Variants in EPS8 observed in about 807,000 individuals in gnomAD.
EPS8 encodes EGFR pathway substrate 8, signaling adaptor, also known as epidermal growth factor receptor kinase substrate 8.
A neutral mutation model predicts 103.8 loss-of-function variants in EPS8; 42 were observed. The ratio of observed to expected loss-of-function variants is 0.40; its 90% CI spans 0.32 to 0.52. The LOEUF is 0.52. Ranked by LOEUF, EPS8 falls within the 20% of genes least tolerant of loss-of-function variation. The pLI, the probability that EPS8 is intolerant of heterozygous loss-of-function variation, is 0.40. For synonymous variants in EPS8, 344 were observed against 344.6 expected, an observed-to-expected ratio of 1.00 and a Z score of 0.02; for missense variants, 969 against 1,005.1, an observed-to-expected ratio of 0.96 and a Z score of 0.49.
At chr12:15,692,319 G>GTTTTT (rs56016545) in intron 1 of EPS8, among the ~76,000 whole-genome samples, 9 of 120,288 alleles carry the variant, frequency 7.5e-5, no homozygotes, top group African/African-American at 1.6e-4. Flanking sequence ...AAGAGGTTTG[G>GTTTTT]TTTTTTTTTT....
chr12:15,637,824 TG>T (rs1320175246), intron 17 of EPS8, among the ~76,000 whole-genome samples: 2 of 152,200 alleles, frequency 1.3e-5, no homozygotes, highest in Non-Finnish European at 2.9e-5. Context: ...ACAGCAAGCA[TG>T]CAGGAAGGAG....
At chr12:15,635,099 A>G (rs1184838306) in intron 17 of EPS8, among the ~76,000 whole-genome samples, 1 of 152,206 alleles carries the variant, frequency 6.6e-6, no homozygotes, top group Non-Finnish European at 1.5e-5. Context: ...AATGCATTAC[A>G]TGTAAGAGTT....
At chr12:15,664,596 G>T (rs117792704) in intron 8 of EPS8, among the ~76,000 whole-genome samples, 2 of 152,164 alleles carry the variant, frequency 1.3e-5, no homozygotes, top group African/African-American at 4.8e-5. Context: ...AGACATATCA[G>T]GTCTTGCTTC....
In EPS8 at chr12:15,761,714, G is replaced by A. The variant is rs1947043748; in HGVS notation, c.-22+27447C>T. On this transcript the variant is annotated intron_variant, in intron 1 of 20. Coordinates refer to ENST00000281172, the MANE Select transcript of EPS8 (RefSeq NM_004447.6). This position sits in a 1 kb window ranked among gnomAD's most constrained non-coding sequence, Gnocchi z 4.5. ...ACAGACTCTTCAATAAATGGCGCTG[G>A]GAAAACTGGATATCCATATCCAGAA... Among the ~76,000 whole-genome samples the A allele has an allele frequency of 6.6e-6, 1 of 152,042 alleles. No individual in the cohort carries two copies. Among genetic ancestry groups the A allele is most frequent in the African/African-American group, 2.4e-5 (1 of 41,394 alleles).
chr12:15,623,356 TCTGTTCCTG>T, intron 19 of EPS8, 69 bp from the exon 20 acceptor site: 1 of 1,416,978 alleles, frequency 7.1e-7, no homozygotes, highest in South Asian at 1.3e-5. Context: ...GAGAAAATTA[TCTGTTCCTG>T]CTAGTAACTT....
chr12:15,655,694 A>C (rs112292593), intron 12 of EPS8, among the ~76,000 whole-genome samples: 1 of 152,256 alleles, frequency 6.6e-6, no homozygotes, highest in Non-Finnish European at 1.5e-5. Context: ...TAACAGAAGG[A>C]AGAGGAAATA....
intron 1 of EPS8, among the ~76,000 whole-genome samples, chr12:15,766,210 G>A (rs753491729): frequency 4.0e-5 from 6 of 151,154 alleles, no homozygotes; most frequent in Admixed American, 2.0e-4. Context: ...TGGCGCAGTG[G>A]CTCACACCTG....
chr12:15,712,996 T>C (rs1411981157), intron 1 of EPS8: 3 of 985,318 alleles, frequency 3.0e-6, no homozygotes, highest in African/African-American at 1.7e-5. Flanking sequence ...GGCATTGTAC[T>C]GTACCAAACA....
chr12:15,625,907 T>A (rs1467444866), intron 18 of EPS8, among the ~76,000 whole-genome samples: 1 of 152,230 alleles, frequency 6.6e-6, no homozygotes, highest in Non-Finnish European at 1.5e-5. Flanking sequence ...GTCCTCTTAC[T>A]CGGAACTTGG....
At chr12:15,631,334 T>A in intron 18 of EPS8, 108 bp downstream of exon 18, 3 of 1,488,284 alleles carry the variant, frequency 2.0e-6, no homozygotes, top group Admixed American at 3.9e-5. Flanking sequence ...TTAAGTACCA[T>A]GCAAGTATAA....
At chr12:15,711,698 A>G (rs993313797) in intron 1 of EPS8, among the ~76,000 whole-genome samples, 1 of 152,230 alleles carries the variant, frequency 6.6e-6, no homozygotes, top group African/African-American at 2.4e-5. Context: ...TCACCTATTT[A>G]TGCTACAAAA....
At chr12:15,753,478 G>A (rs1946954415) in intron 1 of EPS8, among the ~76,000 whole-genome samples, 1 of 151,852 alleles carries the variant, frequency 6.6e-6, no homozygotes, top group Admixed American at 6.6e-5. Context: ...CCATTATACA[G>A]ATAAGGCATA....
chr12:15,741,075 T>TA (rs1218834843), intron 1 of EPS8, among the ~76,000 whole-genome samples: 8 of 152,090 alleles, frequency 5.3e-5, no homozygotes, highest in Non-Finnish European at 2.9e-5. Context: ...GGGGTATATC[T>TA]AAAAAATGCT....
At position 15,721,241 on chromosome 12, in the gene EPS8, G is replaced by A. The variant is rs1216761471; in HGVS notation, c.-21-38269C>T. Among the ~76,000 whole-genome samples the A allele has an allele frequency of 1.3e-5, 2 of 152,112 alleles. No individual in the cohort carries two copies. The highest frequency in any genetic ancestry group is 2.9e-5 in the Non-Finnish European group (2 of 68,012). On this transcript the variant is annotated intron_variant, in intron 1 of 20. Transcript: ENST00000281172. The surrounding 1 kb of genome is among the most constrained non-coding windows in gnomAD (Gnocchi z 4.4). The stretch of plus-strand genomic sequence containing the variant: ...CTCAAACTTTTCCCATTCACAATCT[G>A]TAGGAAACCCACCCATGTCTGTAAT...
At position 15,785,344 on chromosome 12, in the gene EPS8, G is replaced by A. The variant is rs1258788927; in HGVS notation, c.-22+3817C>T. ...AAAGTTGTTTCCCATGGGAGCACAG[G>A]TTAACAATTCCAATGCTGCTATACA... On this transcript the variant is annotated intron_variant, in intron 1 of 20. Transcript: ENST00000281172. The surrounding 1 kb of genome is among the most constrained non-coding windows in gnomAD (Gnocchi z 4.9). Among the ~76,000 whole-genome samples the A allele has an allele frequency of 6.6e-6, 1 of 152,058 alleles. No homozygotes were observed. The highest frequency in any genetic ancestry group is 1.5e-5 in the Non-Finnish European group (1 of 67,930).
At chr12:15,654,680 A>T (rs967192611) in intron 12 of EPS8, among the ~76,000 whole-genome samples, 5 of 152,146 alleles carry the variant, frequency 3.3e-5, no homozygotes, top group African/African-American at 1.2e-4. Flanking sequence ...AAACTTGAAA[A>T]ATGCGGTTCC....
chr12:15,783,659 C>T (rs1947281911), intron 1 of EPS8, among the ~76,000 whole-genome samples: 1 of 142,940 alleles, frequency 7.0e-6, no homozygotes, highest in Non-Finnish European at 1.5e-5. Flanking sequence ...AAAGAACTGA[C>T]AGATGTTACT....
At position 15,636,762 on chromosome 12, in the gene EPS8, C is replaced by T. The variant is rs534708982; in HGVS notation, c.1821+3941G>A. On this transcript the variant is annotated intron_variant, in intron 17 of 20. Coordinates refer to ENST00000281172, the MANE Select transcript of EPS8 (RefSeq NM_004447.6). ...ACATCTAATTCCCTTATTTCCACCA[C>T]TTACAAAAATGTCCTATTCTAAGTA... Among the ~76,000 whole-genome samples, 5 of 152,272 alleles carry T rather than the reference C, an allele frequency of 3.3e-5. No homozygotes were observed. In the South Asian group the frequency reaches 1.0e-3, roughly 32 times the overall value.
intron 15 of EPS8, among the ~76,000 whole-genome samples, chr12:15,642,452 G>A (rs1381832006): frequency 2.6e-5 from 4 of 151,916 alleles, no homozygotes; most frequent in African/African-American, 9.7e-5. Context: ...AAAAGTGTAT[G>A]GGCCTCATTT....
Sources: allele counts gnomAD v4.1 joint callset (sites outside exome capture counted in the v4.1 genomes callset), GRCh38; gene constraint gnomAD v4.1.1; non-coding constraint Gnocchi (gnomAD v3.1); transcripts MANE v1.5; gene names NCBI Gene and HGNC (gene_info 2026-07-23, HGNC 2026-07-21).